Variants in DGKK observed in about 807,000 individuals in gnomAD.
The protein encoded by DGKK is 142 kDa diacylglycerol kinase.
A neutral mutation model predicts 92.2 loss-of-function variants in DGKK; 35 were observed. That is an observed-to-expected ratio of 0.38 (90% CI 0.29 to 0.50). DGKK has a LOEUF of 0.50. Ranked by LOEUF, DGKK falls within the 20% of genes least tolerant of loss-of-function variation. DGKK has a pLI of 0.92. For missense variants in DGKK, 910 were observed against 992.2 expected, an observed-to-expected ratio of 0.92 and a Z score of 1.11; for synonymous variants, 368 against 360.6, an observed-to-expected ratio of 1.02 and a Z score of -0.23.
intron 1 of DGKK, among the ~76,000 whole-genome samples, chrX:50,435,051 C>T (rs1445904514): frequency 8.9e-6 from 1 of 112,148 alleles, no homozygotes; most frequent in Non-Finnish European, 1.9e-5. Flanking sequence ...ACCTGCACAA[C>T]CTATTACTGT....
chrX:50,445,121 CTT>C (rs57163220), intron 1 of DGKK, among the ~76,000 whole-genome samples: 151 of 67,453 alleles, frequency 2.2e-3, no homozygotes, highest in African/African-American at 2.3e-3. Flanking sequence ...CCTTTGCCCA[CTT>C]TTTTTTTTTT....
chrX:50,467,820 G>A (rs1404041157), intron 1 of DGKK, among the ~76,000 whole-genome samples: 1 of 112,638 alleles, frequency 8.9e-6, no homozygotes, highest in African/African-American at 3.2e-5. Context: ...TAGCAACATT[G>A]AGGGTGTTGT....
At chrX:50,426,613 A>G (rs969397806) in intron 1 of DGKK, among the ~76,000 whole-genome samples, 2 of 111,340 alleles carry the variant, frequency 1.8e-5, no homozygotes, top group Admixed American at 9.6e-5. Context: ...GGGGACCCCA[A>G]TTAAGCTCTA....
At chrX:50,436,721 T>C (rs1219125208) in intron 1 of DGKK, among the ~76,000 whole-genome samples, 1 of 111,404 alleles carries the variant, frequency 9.0e-6, no homozygotes, top group African/African-American at 3.3e-5. Context: ...AGTAATGCTA[T>C]TGGCCTTTTT....
chrX:50,440,505 A>G (rs927055967), intron 1 of DGKK, among the ~76,000 whole-genome samples: 1 of 111,196 alleles, frequency 9.0e-6, no homozygotes. Flanking sequence ...CAAAAATCCA[A>G]CCCTTTCTTA....
At chrX:50,432,367 T>A (rs982086707) in intron 1 of DGKK, among the ~76,000 whole-genome samples, 7 of 112,704 alleles carry the variant, frequency 6.2e-5, no homozygotes, top group Non-Finnish European at 1.3e-4. Flanking sequence ...GTTCCTTGCA[T>A]ATCACTAAAA....
At chrX:50,377,232 T>A (rs1257737777) in intron 22 of DGKK, among the ~76,000 whole-genome samples, 1 of 112,671 alleles carries the variant, frequency 8.9e-6, no homozygotes, top group Non-Finnish European at 1.9e-5. Flanking sequence ...GCATCATGAC[T>A]GACAAGACAG....
intron 4 of DGKK, among the ~76,000 whole-genome samples, chrX:50,406,966 G>T (rs1355034484): frequency 1.8e-5 from 2 of 111,654 alleles, no homozygotes; most frequent in Admixed American, 9.5e-5. Flanking sequence ...ACACATGCTA[G>T]AAAAAGCCTA....
chrX:50,460,288 G>A (rs1488087841), intron 1 of DGKK, among the ~76,000 whole-genome samples: 1 of 111,949 alleles, frequency 8.9e-6, no homozygotes, highest in Admixed American at 9.4e-5. Context: ...AAGAGAAAAG[G>A]TAGAGACATT....
intron 1 of DGKK, among the ~76,000 whole-genome samples, chrX:50,466,017 C>CTTTTTTTT (rs72090197): frequency 1.1e-3 from 46 of 42,790 alleles, no homozygotes; most frequent in Non-Finnish European, 1.3e-3. Context: ...TTTCTTTTTT[C>CTTTTTTTT]TTTTTTTTTT....
chrX:50,414,870 G>A (rs929912755), intron 4 of DGKK, among the ~76,000 whole-genome samples: 1 of 111,774 alleles, frequency 8.9e-6, no homozygotes, highest in African/African-American at 3.3e-5. Context: ...AAAGGAAATT[G>A]AGAAAATGGG....
chrX:50,450,252 T>C (rs782503720), intron 1 of DGKK, among the ~76,000 whole-genome samples: 2 of 112,504 alleles, frequency 1.8e-5, no homozygotes, highest in Admixed American at 9.4e-5. Context: ...TGTATTTCAG[T>C]GTGTTCCAGA....
At chrX:50,432,500 T>C (rs1925914642) in intron 1 of DGKK, among the ~76,000 whole-genome samples, 1 of 112,444 alleles carries the variant, frequency 8.9e-6, no homozygotes, top group Non-Finnish European at 1.9e-5. Flanking sequence ...CAATGAACCC[T>C]TTTAGATGTT....
chrX:50,404,658 C>T (rs138968282), intron 4 of DGKK, among the ~76,000 whole-genome samples: 1,253 of 110,075 alleles, frequency 0.011, 8 homozygotes, highest in Middle Eastern at 0.038. Context: ...CTGCCTGCCT[C>T]GGCCTCCTGA....
chrX:50,415,529 T>C (rs1184364004), intron 4 of DGKK, among the ~76,000 whole-genome samples: 3 of 111,556 alleles, frequency 2.7e-5, no homozygotes, highest in African/African-American at 9.8e-5. Context: ...ATTCAAAATT[T>C]TGAAGTACTG....
chrX:50,394,362 C>T (rs1924782953), intron 8 of DGKK, among the ~76,000 whole-genome samples: 1 of 111,351 alleles, frequency 9.0e-6, no homozygotes, highest in African/African-American at 3.3e-5. Flanking sequence ...CAGGTTTCCC[C>T]TATGGGCCAA....
chrX:50,378,154 G>C lies in DGKK; in HGVS notation c.3055C>G (p.Pro1019Ala). The C allele has an allele frequency of 8.3e-7, 1 of 1,210,486 alleles. No individual in the cohort carries two copies. Among genetic ancestry groups the C allele is most frequent in the Non-Finnish European group, 1.1e-6 (1 of 894,814 alleles). The change falls in exon 22 of 28, where the codon CCA (proline) becomes GCA (alanine). Residue 1019 changes from proline (P) to alanine (A), a missense_variant. Pro to Ala is a conservative substitution (Grantham distance 27). Transcript: ENST00000611977. ...QVDGEAWIQR[P>A]GLIKIRYKNA... Reference sequence around the variant, plus strand: ...TTGTATCTAATTTTGATAAGGCCTGGTCTCTGAATCCAGGCCTCCCCATCC... The same window carrying C: ...TTGTATCTAATTTTGATAAGGCCTGCTCTCTGAATCCAGGCCTCCCCATCC...
chrX:50,456,713 T>C (rs1468031820), intron 1 of DGKK, among the ~76,000 whole-genome samples: 1 of 111,800 alleles, frequency 8.9e-6, no homozygotes, highest in Admixed American at 9.5e-5. Context: ...TGAAGACTAG[T>C]AATTCAAGAC....
rs782553655 is a variant in DGKK at position 50,403,602 on chromosome X, G to A, written c.1079-5C>T. 1.7e-6 allele frequency: 2 copies of A among 1,184,884 alleles called. No homozygotes were observed. The highest frequency in any genetic ancestry group is 2.3e-6 in the Non-Finnish European group (2 of 872,488). Reference sequence around the variant, plus strand: ...TGTGAGATTTCACTTTGCACACTGTGAGAAGAGGAAGAGAAAAGATGGGTG... The same window carrying A: ...TGTGAGATTTCACTTTGCACACTGTAAGAAGAGGAAGAGAAAAGATGGGTG... On this transcript the variant is annotated splice_region_variant and splice_polypyrimidine_tract_variant and intron_variant, in intron 5 of 27. Transcript: ENST00000611977.
Sources: allele counts gnomAD v4.1 joint callset (sites outside exome capture counted in the v4.1 genomes callset), GRCh38; gene constraint gnomAD v4.1.1; transcripts MANE v1.5; gene names NCBI Gene and HGNC (gene_info 2026-07-23, HGNC 2026-07-21).